The following PDS5A variants were observed in gnomAD, a reference collection of about 807,000 sequenced individuals.
The protein encoded by PDS5A is sister chromatid cohesion protein PDS5 homolog A.
In PDS5A, 42 loss-of-function variants were observed where a neutral mutation model predicts 167.1. The ratio of observed to expected loss-of-function variants is 0.25; its 90% CI spans 0.20 to 0.33. PDS5A has a LOEUF of 0.33. PDS5A is among the 10% of genes least tolerant of loss of function. The pLI, the probability that PDS5A is intolerant of heterozygous loss-of-function variation, is 1.00. For missense variants in PDS5A, 1,033 were observed against 1,605.9 expected (o/e 0.64, Z 6.10); for synonymous variants, 553 against 554.6 (o/e 1.00, Z 0.04).
intron 9 of PDS5A, among the ~76,000 whole-genome samples, chr4:39,911,340 G>A (rs1273992465): frequency 6.6e-6 from 1 of 150,784 alleles, no homozygotes; most frequent in East Asian, 2.0e-4. Context: ...AGGTTGCAGT[G>A]AGCAGAGATC....
intron 31 of PDS5A, among the ~76,000 whole-genome samples, chr4:39,841,272 T>C (rs1326298414): frequency 6.6e-6 from 1 of 151,398 alleles, no homozygotes; most frequent in African/African-American, 2.4e-5. Flanking sequence ...CCTGAGTAGC[T>C]GAGATTACAG....
chr4:39,856,153 G>C (rs1011877067), intron 26 of PDS5A, among the ~76,000 whole-genome samples: 1 of 151,948 alleles, frequency 6.6e-6, no homozygotes, highest in African/African-American at 2.4e-5. Flanking sequence ...TTTCTCATCA[G>C]AAATCATAAT....
intron 26 of PDS5A, among the ~76,000 whole-genome samples, chr4:39,850,045 G>C (rs1717981028): frequency 6.6e-6 from 1 of 151,926 alleles, no homozygotes; most frequent in Non-Finnish European, 1.5e-5. Context: ...GGCCGAGGTG[G>C]GCAGATCAAG....
At chr4:39,856,030 T>C (rs185662046) in intron 26 of PDS5A, among the ~76,000 whole-genome samples, 55 of 152,180 alleles carry the variant, frequency 3.6e-4, no homozygotes, top group Non-Finnish European at 6.5e-4. Context: ...CTGAGACACA[T>C]CAGGGTCAAA....
intron 2 of PDS5A, among the ~76,000 whole-genome samples, chr4:39,963,925 C>G (rs1348305047): frequency 6.6e-6 from 1 of 151,728 alleles, no homozygotes; most frequent in Non-Finnish European, 1.5e-5. Context: ...TTTTTCCCCC[C>G]CAGACCGACT....
chr4:39,843,549 TA>T (rs1442690316), intron 30 of PDS5A, among the ~76,000 whole-genome samples: 1 of 151,658 alleles, frequency 6.6e-6, no homozygotes, highest in Non-Finnish European at 1.5e-5. Flanking sequence ...CTGTCTCTAC[TA>T]AAAATACAGA....
chr4:39,833,403 G>C (rs1236311753), intron 32 of PDS5A, among the ~76,000 whole-genome samples: 1 of 151,942 alleles, frequency 6.6e-6, no homozygotes, highest in African/African-American at 2.4e-5. Context: ...GTGTGTGTGT[G>C]ACAGGGTCTC....
intron 17 of PDS5A, among the ~76,000 whole-genome samples, chr4:39,882,822 A>G (rs1721075875): frequency 1.3e-5 from 2 of 152,170 alleles, no homozygotes; most frequent in African/African-American, 4.8e-5. Context: ...TAAATAATAT[A>G]TATTTCACAG....
At chr4:39,970,390 G>C (rs1468037363) in intron 2 of PDS5A, among the ~76,000 whole-genome samples, 1 of 149,358 alleles carries the variant, frequency 6.7e-6, no homozygotes, top group Non-Finnish European at 1.5e-5. Flanking sequence ...CATACTCTAA[G>C]AATTATTGTC....
intron 5 of PDS5A, among the ~76,000 whole-genome samples, chr4:39,924,464 C>G (rs192167905): frequency 6.6e-6 from 1 of 152,188 alleles, no homozygotes; most frequent in African/African-American, 2.4e-5. Flanking sequence ...CTATCCTATG[C>G]CAAGCTGGAG....
intron 18 of PDS5A, among the ~76,000 whole-genome samples, chr4:39,878,439 CA>C (rs998268058): frequency 3.3e-5 from 5 of 151,350 alleles, no homozygotes; most frequent in African/African-American, 4.9e-5. Context: ...ACTAAAAATA[CA>C]AAAAAAATTA....
At chr4:39,970,469 T>C (rs566727095) in intron 2 of PDS5A, among the ~76,000 whole-genome samples, 3 of 151,658 alleles carry the variant, frequency 2.0e-5, no homozygotes, top group Non-Finnish European at 2.9e-5. Flanking sequence ...CTGTCCTTTT[T>C]CTCCCTACAA....
intron 2 of PDS5A, among the ~76,000 whole-genome samples, chr4:39,941,227 T>C (rs1394949940): frequency 1.3e-5 from 2 of 152,216 alleles, no homozygotes; most frequent in Non-Finnish European, 2.9e-5. Context: ...TCCTAGAGTC[T>C]ACAAAAAATG....
At chr4:39,835,758 G>T (rs2109478135) in intron 32 of PDS5A, among the ~76,000 whole-genome samples, 1 of 152,106 alleles carries the variant, frequency 6.6e-6, no homozygotes, top group Non-Finnish European at 1.5e-5. Flanking sequence ...CCTGACCTCA[G>T]GTGATCCGCC....
chr4:39,950,737 G>C (rs1255501017), intron 2 of PDS5A, among the ~76,000 whole-genome samples: 1 of 151,088 alleles, frequency 6.6e-6, no homozygotes, highest in Non-Finnish European at 1.5e-5. Flanking sequence ...ACAGGTCTAC[G>C]CTACCACACC....
intron 2 of PDS5A, among the ~76,000 whole-genome samples, chr4:39,971,408 G>A (rs1204395201): frequency 2.0e-5 from 3 of 151,468 alleles, no homozygotes; most frequent in East Asian, 2.0e-4. Flanking sequence ...CACCCGCCTC[G>A]GCCTCCCAAA....
chr4:39,898,219 G>A (rs957672146), intron 16 of PDS5A, 170 bp downstream of exon 16: 1 of 1,289,132 alleles, frequency 7.8e-7, no homozygotes, highest in African/African-American at 1.5e-5. Flanking sequence ...ATGTGGCTGA[G>A]AGTGAATGGT....
rs771490836 is a variant in PDS5A, at chr4:39,843,538, CCT to C, written c.3548+1116_3548+1117del. The stretch of plus-strand genomic sequence containing the variant: ...ACTAGCCTGGCAATCATGGTGACAC[CCT>C]GTCTCTACTAAAAATACAGAAATTA... On this transcript the variant is annotated intron_variant, in intron 30 of 32. Coordinates refer to ENST00000303538, the MANE Select transcript of PDS5A (RefSeq NM_001100399.2). Among the ~76,000 whole-genome samples, 18 of 151,174 alleles carry C rather than the reference CCT, an allele frequency of 1.2e-4. No homozygotes were observed. The South Asian group carries it at 1.3e-3, about 11-fold the overall frequency.
At chr4:39,930,246 A>AAAAAAAAAAAAAATTTTTTTTTTT in intron 2 of PDS5A, among the ~76,000 whole-genome samples, 4 of 93,090 alleles carry the variant, frequency 4.3e-5, no homozygotes, top group South Asian at 4.4e-4. Flanking sequence ...AAAAAAAAAA[A>AAAAAAAAAAAAAATTTTTTTTTTT]GTTTTTTTGT....
Sources: allele counts gnomAD v4.1 joint callset (sites outside exome capture counted in the v4.1 genomes callset), GRCh38; gene constraint gnomAD v4.1.1; transcripts MANE v1.5; gene names NCBI Gene and HGNC (gene_info 2026-07-23, HGNC 2026-07-21).